Variants in RNLS observed in about 807,000 individuals in gnomAD.
RNLS encodes the protein renalase, FAD dependent amine oxidase.
RNLS carries 39 observed loss-of-function variants against 39.8 expected under a neutral mutation model. The observed-to-expected ratio is 0.98, with a 90% CI of 0.76 to 1.28. The LOEUF is 1.28. Ranked by LOEUF, RNLS falls within the 50% of genes most tolerant of loss-of-function variation. RNLS has a pLI of 0.00. For missense variants in RNLS, 410 were observed against 413.3 expected (o/e 0.99, Z 0.07); for synonymous variants, 147 against 150.7 (o/e 0.98, Z 0.18).
chr10:88,516,464 C>T (rs757987028), intron 4 of RNLS, among the ~76,000 whole-genome samples: 7 of 151,768 alleles, frequency 4.6e-5, no homozygotes, highest in African/African-American at 9.7e-5. Context: ...AGTTATAATT[C>T]TTACGGAATT....
intron 4 of RNLS, among the ~76,000 whole-genome samples, chr10:88,401,486 TAGTC>T (rs566271353): frequency 1.8e-4 from 28 of 152,136 alleles, no homozygotes; most frequent in Admixed American, 1.2e-3. Context: ...AATTAAAAGT[TAGTC>T]AGAGACTTTC....
the RNLS span, among the ~76,000 whole-genome samples, chr10:88,178,515 G>A: frequency 6.6e-6 from 1 of 152,124 alleles, no homozygotes; most frequent in African/African-American, 2.4e-5. Context: ...GAGATCTTCT[G>A]CTTATCTTTT....
chr10:88,308,627 C>G (rs1160968912), intron 6 of RNLS, among the ~76,000 whole-genome samples: 1 of 151,968 alleles, frequency 6.6e-6, no homozygotes, highest in African/African-American at 2.4e-5. Flanking sequence ...ATAACAGATG[C>G]TGGTGAGGTT....
chr10:88,350,333 T>A, intron 5 of RNLS, among the ~76,000 whole-genome samples: 1 of 152,112 alleles, frequency 6.6e-6, no homozygotes, highest in East Asian at 1.9e-4. Flanking sequence ...CTGCATCCAT[T>A]AACTCATAAT....
chr10:88,495,166 A>C (rs1392661841), intron 4 of RNLS, among the ~76,000 whole-genome samples: 1 of 152,180 alleles, frequency 6.6e-6, no homozygotes, highest in Non-Finnish European at 1.5e-5. Flanking sequence ...TTTAAGAAGC[A>C]ATGTTAAATA....
the RNLS span, among the ~76,000 whole-genome samples, chr10:88,265,744 C>A: frequency 5.9e-5 from 9 of 152,050 alleles, no homozygotes; most frequent in Non-Finnish European, 1.0e-4. Context: ...GTTGTAGGAG[C>A]TTTTTGGAGA....
chr10:88,458,495 C>G (rs1393906974), intron 4 of RNLS, among the ~76,000 whole-genome samples: 1 of 152,212 alleles, frequency 6.6e-6, no homozygotes, highest in Non-Finnish European at 1.5e-5. Flanking sequence ...CTAGCTGCAC[C>G]AGCCTGCAGT....
At chr10:88,234,294 C>T in the RNLS span, among the ~76,000 whole-genome samples, 1 of 152,034 alleles carries the variant, frequency 6.6e-6, no homozygotes, top group African/African-American at 2.4e-5. Flanking sequence ...ACATTCTTGG[C>T]ATTGAGACTC....
intron 5 of RNLS, among the ~76,000 whole-genome samples, chr10:88,324,561 G>C (rs1292195087): frequency 6.6e-6 from 1 of 152,120 alleles, no homozygotes; most frequent in African/African-American, 2.4e-5. Context: ...GGGCACTCCA[G>C]AAAGGGTAAG....
chr10:88,500,543 T>C (rs540900961), intron 4 of RNLS, among the ~76,000 whole-genome samples: 2 of 152,288 alleles, frequency 1.3e-5, no homozygotes, highest in South Asian at 4.2e-4. Context: ...GCTTGTTTTA[T>C]TTCACTCAAG....
chr10:88,408,782 T>A lies in RNLS; in HGVS notation c.527-46057A>T, dbSNP rs76700043. Among the ~76,000 whole-genome samples, 393 of 152,264 alleles carry A rather than the reference T, an allele frequency of 2.6e-3. 1 individual carries two copies. Among genetic ancestry groups the A allele is most frequent in the African/African-American group, 8.9e-3 (372 of 41,574 alleles). On this transcript the variant is annotated intron_variant, in intron 4 of 6. Coordinates refer to ENST00000331772, the MANE Select transcript of RNLS (RefSeq NM_001031709.3). ...AAGTTTGATTTGTTTTCATTGGGATTATGTTTTCTTAAATAATATGTTGAG... is the reference window on the plus strand; with the variant it reads ...AAGTTTGATTTGTTTTCATTGGGATAATGTTTTCTTAAATAATATGTTGAG...
At chr10:88,546,184 T>C (rs1848300428) in intron 4 of RNLS, among the ~76,000 whole-genome samples, 1 of 152,080 alleles carries the variant, frequency 6.6e-6, no homozygotes. Context: ...AATTTAAAAC[T>C]ATATAATTCT....
chr10:88,207,256 A>G, the RNLS span, among the ~76,000 whole-genome samples: 1 of 152,190 alleles, frequency 6.6e-6, no homozygotes, highest in South Asian at 2.1e-4. Context: ...ACAGATGGGC[A>G]GAAATATTTG....
At chr10:88,297,623 T>C (rs1471948972) in intron 6 of RNLS, among the ~76,000 whole-genome samples, 1 of 152,226 alleles carries the variant, frequency 6.6e-6, no homozygotes, top group African/African-American at 2.4e-5. Context: ...GCTTCTTTCA[T>C]ATAACATGTT....
At position 88,496,416 on chromosome 10, in the gene RNLS, A is replaced by G. The variant is rs1845179107; in HGVS notation, c.526+76487T>C. 2.0e-5 allele frequency among the ~76,000 whole-genome samples: 3 copies of G among 152,198 alleles called. No individual in the cohort carries two copies. In the East Asian group the frequency reaches 5.8e-4, roughly 29 times the overall value. On this transcript the variant is annotated intron_variant, in intron 4 of 6. Coordinates refer to ENST00000331772, the MANE Select transcript of RNLS (RefSeq NM_001031709.3). ...CAGGAATGCCATAGCAGAAGGAAGAAGCAGTGGCCTGACGCTTTACTTCTT... is the reference window on the plus strand; with the variant it reads ...CAGGAATGCCATAGCAGAAGGAAGAGGCAGTGGCCTGACGCTTTACTTCTT...
At chr10:88,221,810 G>A in the RNLS span, among the ~76,000 whole-genome samples, 1 of 152,008 alleles carries the variant, frequency 6.6e-6, no homozygotes, top group African/African-American at 2.4e-5. Flanking sequence ...CTAATCAATT[G>A]TGGCACTTTT....
chr10:88,205,944 C>G, the RNLS span, among the ~76,000 whole-genome samples: 3 of 152,078 alleles, frequency 2.0e-5, no homozygotes, highest in Non-Finnish European at 4.4e-5. Flanking sequence ...TTGCAATGAC[C>G]AACAGAGTAG....
intron 4 of RNLS, among the ~76,000 whole-genome samples, chr10:88,505,850 T>A (rs190371221): frequency 6.6e-6 from 1 of 152,216 alleles, no homozygotes; most frequent in Admixed American, 6.5e-5. Flanking sequence ...TGTAATGCAA[T>A]AAGGAATGCA....
chr10:88,258,818 CT>C, the RNLS span, among the ~76,000 whole-genome samples: 1 of 152,310 alleles, frequency 6.6e-6, no homozygotes, highest in Non-Finnish European at 1.5e-5. Context: ...TACATCCACT[CT>C]TCTGATGTCT....
Sources: allele counts gnomAD v4.1 joint callset (sites outside exome capture counted in the v4.1 genomes callset), GRCh38; gene constraint gnomAD v4.1.1; transcripts MANE v1.5; gene names NCBI Gene and HGNC (gene_info 2026-07-23, HGNC 2026-07-21).